Variants in CFAP46 observed in about 807,000 individuals in gnomAD.
The protein encoded by CFAP46 is cilia and flagella associated protein 46.
In CFAP46, 245 loss-of-function variants were observed where a neutral mutation model predicts 325.7. That is an observed-to-expected ratio of 0.75 (90% confidence interval 0.68 to 0.84). The LOEUF (loss-of-function observed/expected upper bound fraction) is 0.84, where lower values mean the gene tolerates loss of function less well. Among genes scored for constraint, CFAP46 ranks in the 40% least tolerant of loss-of-function variants. The pLI is 0.00. For synonymous variants in CFAP46, 1,523 were observed against 1,495.9 expected, an observed-to-expected ratio of 1.02 and a Z score of -0.42; for missense variants, 3,346 against 3,543.0, an observed-to-expected ratio of 0.94 and a Z score of 1.41.
chr10:132,864,521 C>A (rs1848779872), intron 35 of CFAP46, among the ~76,000 whole-genome samples: 4 of 139,432 alleles, frequency 2.9e-5, no homozygotes, highest in South Asian at 2.5e-4. Context: ...CACCTGCCCC[C>A]CTGCCTGAGA....
chr10:132,812,649 G>A (rs1017784382), intron 55 of CFAP46, 136 bp downstream of exon 55: 342 of 628,640 alleles, frequency 5.4e-4, no homozygotes, highest in Non-Finnish European at 8.9e-4. Context: ...TGCAGTCACA[G>A]AGGGTGGGGG....
rs576249628 is a variant in CFAP46, at chr10:132,845,384, A to G, written c.6438+673T>C. On this transcript the variant is annotated intron_variant, in intron 44 of 57. Transcript: ENST00000368586. ...TCACAATGGCAGGGGTGCTCCTGTC[A>G]GCCAGTGGCGGATGCTGCCCCCGCC... Among the ~76,000 whole-genome samples the G allele has an allele frequency of 6.6e-5, 10 of 152,270 alleles. No homozygotes were observed. In the South Asian group the frequency reaches 2.1e-3, roughly 32 times the overall value.
At chr10:132,865,983 G>C (rs1293301831) in intron 35 of CFAP46, 42 bp downstream of exon 35, 9 of 1,451,164 alleles carry the variant, frequency 6.2e-6, no homozygotes, top group Middle Eastern at 2.1e-4. Context: ...CAGTGCGCTG[G>C]GAGCGGCTGT....
intron 8 of CFAP46, among the ~76,000 whole-genome samples, chr10:132,930,252 CCACACAGAGCA>C: frequency 6.7e-6 from 1 of 149,722 alleles, no homozygotes; most frequent in South Asian, 2.1e-4. Flanking sequence ...TTCCTCCTCC[CCACACAGAGCA>C]TGGGACTCCC....
At chr10:132,931,375 C>G (rs1849898597) in intron 8 of CFAP46, among the ~76,000 whole-genome samples, 1 of 147,328 alleles carries the variant, frequency 6.8e-6, no homozygotes, top group Admixed American at 6.7e-5. Context: ...TCCTCCTCCC[C>G]ACACAGAGCC....
At chr10:132,941,899 A>T in intron 2 of CFAP46, 81 bp downstream of exon 2, 2 of 1,528,900 alleles carry the variant, frequency 1.3e-6, no homozygotes, top group Non-Finnish European at 1.8e-6. Context: ...CCCCAGCCCC[A>T]CTCTGCATCC....
chr10:132,847,388 AC>A lies in CFAP46; in HGVS notation c.5953-68del. ...TGCTTGGTCGGCGTGGGGAGGGCCCACCCAGGGAGGCCGGGGTGGTCGGGCT... is the reference window on the plus strand; with the variant it reads ...TGCTTGGTCGGCGTGGGGAGGGCCCACCAGGGAGGCCGGGGTGGTCGGGCT... On this transcript the variant is annotated intron_variant, in intron 41 of 57. Transcript: ENST00000368586. This position sits in a 1 kb window ranked among gnomAD's most constrained non-coding sequence, Gnocchi z 5.2. The A allele has an allele frequency of 6.3e-7, 1 of 1,591,698 alleles. No individual in the cohort carries two copies. Among genetic ancestry groups the A allele is most frequent in the Non-Finnish European group, 8.6e-7 (1 of 1,165,816 alleles).
rs151178145 is a variant in CFAP46 at position 132,875,588 on chromosome 10, A to C, written c.4362+1224T>G. On this transcript the variant is annotated intron_variant, in intron 31 of 57. Coordinates refer to ENST00000368586, the MANE Select transcript of CFAP46 (RefSeq NM_001200049.3). ...AAGCAGCCCCATGCACAGGTGGGCA[A>C]CTGCTCATGCCCAGTGCAGCCAGCA... is the stretch of plus-strand genomic sequence containing the variant. Among the ~76,000 whole-genome samples, 1,497 of 152,310 alleles carry C rather than the reference A, an allele frequency of 9.8e-3. 15 individuals are homozygous for C. The highest frequency in any genetic ancestry group is 0.043 in the South Asian group (207 of 4,822).
chr10:132,919,964 T>G lies in CFAP46; in HGVS notation c.1730+95A>C. ...CCTGGCGAGTCCCCAGACGGCCACA[T>G]GCAGGGTCAGCTCAGCCGCCACAGA... is the stretch of plus-strand genomic sequence containing the variant. On this transcript the variant is annotated intron_variant, in intron 14 of 57. Coordinates refer to ENST00000368586, the MANE Select transcript of CFAP46 (RefSeq NM_001200049.3). This position sits in a 1 kb window ranked among gnomAD's most constrained non-coding sequence, Gnocchi z 9.7. 7.1e-7 allele frequency: 1 copy of G among 1,400,254 alleles called. No individual in the cohort carries two copies. Among genetic ancestry groups the G allele is most frequent in the Non-Finnish European group, 9.3e-7 (1 of 1,074,508 alleles). 86.7% of individuals were successfully genotyped at this position (1,400,254 alleles called of 1,614,324 possible). A position where few individuals can be genotyped will look rare whatever the true frequency, so the allele number is the denominator to read the frequency against.
intron 37 of CFAP46, among the ~76,000 whole-genome samples, chr10:132,859,926 A>T (rs187664126): frequency 6.6e-6 from 1 of 152,202 alleles, no homozygotes; most frequent in African/African-American, 2.4e-5. Context: ...ATGGTGGCAC[A>T]TGCCTGTAAT....
intron 5 of CFAP46, among the ~76,000 whole-genome samples, chr10:132,938,046 G>A (rs1439341119): frequency 6.6e-6 from 1 of 152,202 alleles, no homozygotes; most frequent in Non-Finnish European, 1.5e-5. Flanking sequence ...TCCCCAGCCT[G>A]CACAGAGAGT....
intron 17 of CFAP46, among the ~76,000 whole-genome samples, chr10:132,914,906 CA>C (rs1354317790): frequency 1.3e-5 from 2 of 152,248 alleles, no homozygotes; most frequent in Non-Finnish European, 2.9e-5. Context: ...CCCTTCTGCC[CA>C]AGTGAGCGTC....
chr10:132,839,828 C>T (rs1017654480), intron 44 of CFAP46, among the ~76,000 whole-genome samples: 4 of 152,088 alleles, frequency 2.6e-5, no homozygotes, highest in Admixed American at 2.6e-4. Flanking sequence ...AATATTGAAC[C>T]ACATGGAACA....
rs1481210701 is a variant in CFAP46 at position 132,832,681 on chromosome 10, C to T, written c.7117+677G>A. On this transcript the variant is annotated intron_variant, in intron 50 of 57. Transcript: ENST00000368586. This position sits in a 1 kb window ranked among gnomAD's most constrained non-coding sequence, Gnocchi z 4.1. ...AACTGCACGTACCGCAAGGGTAGCG[C>T]TCGGGGAAGCTTCACAACCGGGGCA... is the stretch of plus-strand genomic sequence containing the variant. The T allele has an allele frequency of 8.9e-6, 4 of 449,406 alleles. No individual in the cohort carries two copies. The highest frequency in any genetic ancestry group is 1.9e-5 in the Non-Finnish European group (4 of 209,526). The allele number at this position is 449,406 out of a possible 1,614,324, so 27.8% of individuals were successfully genotyped here.
rs934242193 is a variant in CFAP46, at chr10:132,886,062, G to A, written c.3305-103C>T. The A allele has an allele frequency of 1.4e-6, 2 of 1,435,576 alleles. No individual in the cohort carries two copies. Among genetic ancestry groups the A allele is most frequent in the Admixed American group, 2.1e-5 (1 of 47,688 alleles). 88.9% of individuals were successfully genotyped at this position (1,435,576 alleles called of 1,614,324 possible). On this transcript the variant is annotated intron_variant, in intron 25 of 57. Transcript: ENST00000368586. The surrounding 1 kb of genome is among the most constrained non-coding windows in gnomAD (Gnocchi z 5.8). ...CTGCCCATCACAGTGCCCCTGAGGT[G>A]GAACCGCGGCTACAGAGGTGCCCAG...
intron 11 of CFAP46, 80 bp downstream of exon 11, chr10:132,924,616 C>A (rs762241424): frequency 2.3e-4 from 303 of 1,329,494 alleles, no homozygotes; most frequent in Non-Finnish European, 2.7e-4. Context: ...GGCAAGGGGG[C>A]TTGGGCCACC....
chr10:132,933,975 G>T (rs1849952769), intron 8 of CFAP46, among the ~76,000 whole-genome samples: 1 of 152,206 alleles, frequency 6.6e-6, no homozygotes, highest in African/African-American at 2.4e-5. Context: ...CCATCCCGCA[G>T]ACACAGCGAG....
chr10:132,881,600 AGG>A (rs1311390442), intron 27 of CFAP46, among the ~76,000 whole-genome samples: 2 of 151,220 alleles, frequency 1.3e-5, no homozygotes, highest in African/African-American at 2.5e-5. Context: ...CCTGAGAGCC[AGG>A]GTTAGCCTGC....
chr10:132,828,763 G>A lies in CFAP46; in HGVS notation c.7117+4595C>T, dbSNP rs1005799838. Among the ~76,000 whole-genome samples, 18 of 152,102 alleles carry A rather than the reference G, an allele frequency of 1.2e-4. No homozygotes were observed. Among genetic ancestry groups the A allele is most frequent in the African/African-American group, 1.7e-4 (7 of 41,392 alleles). On this transcript the variant is annotated intron_variant, in intron 50 of 57. Coordinates refer to ENST00000368586, the MANE Select transcript of CFAP46 (RefSeq NM_001200049.3). This position sits in a 1 kb window ranked among gnomAD's most constrained non-coding sequence, Gnocchi z 4.9. ...TTTCGAGCTGATTTTCCTGCGTGGC[G>A]TGCGGCCTCGTTTTTGTTGTGTTTC...
Sources: gnomAD v4.1 joint callset for allele counts (sites outside exome capture counted in the v4.1 genomes callset) on GRCh38, gnomAD v4.1.1 for gene constraint, Gnocchi (gnomAD v3.1) non-coding constraint, MANE v1.5 for transcripts, NCBI Gene and HGNC (gene_info 2026-07-23, HGNC 2026-07-21) for gene names.